Variants in LHX2 observed in about 807,000 individuals in gnomAD.
LHX2 encodes LIM homeobox 2.
A neutral mutation model predicts 33.0 loss-of-function variants in LHX2; 6 were observed. The observed-to-expected ratio is 0.18, with a 90% CI of 0.10 to 0.36. The LOEUF is 0.36. Ranked by LOEUF, LHX2 falls within the 10% of genes least tolerant of loss-of-function variation. LHX2 has a pLI of 1.00. For missense variants in LHX2, 442 were observed against 586.2 expected (o/e 0.75, Z 2.54); for synonymous variants, 292 against 253.1 (o/e 1.15, Z -1.46).
At position 124,032,737 on chromosome 9, in the gene LHX2, T is replaced by G. The variant is rs1272602177; in HGVS notation, c.*30T>G. 1.9e-5 allele frequency: 29 copies of G among 1,521,202 alleles called. No individual in the cohort carries two copies. The highest frequency in any genetic ancestry group is 2.5e-5 in the Non-Finnish European group (28 of 1,133,092). 94.2% of individuals were successfully genotyped at this position (1,521,202 alleles called of 1,614,324 possible). Reference sequence around the variant, plus strand: ...TCGCAACCCCTCACCCCACAATTTCTTTAAAAAAGAAATTATCTTTAGTTG... The same window carrying G: ...TCGCAACCCCTCACCCCACAATTTCGTTAAAAAAGAAATTATCTTTAGTTG... On this transcript the variant is annotated 3_prime_UTR_variant, in exon 5 of 5. Coordinates refer to ENST00000373615, the MANE Select transcript of LHX2 (RefSeq NM_004789.4). This position sits in a 1 kb window ranked among gnomAD's most constrained non-coding sequence, Gnocchi z 4.1.
Position 124,014,295 on chromosome 9 carries a change from C to T in LHX2, c.323+132C>T, listed in dbSNP as rs541766384. 6.4e-6 allele frequency: 4 copies of T among 620,996 alleles called. No homozygotes were observed. In the East Asian group the frequency reaches 1.1e-4, roughly 18 times the overall value. The allele number at this position is 620,996 out of a possible 1,614,324, so 38.5% of individuals were successfully genotyped here. On this transcript the variant is annotated intron_variant, in intron 2 of 4. Transcript: ENST00000373615. The surrounding 1 kb of genome is among the most constrained non-coding windows in gnomAD (Gnocchi z 4.8). ...ACTCAGGACTCCCCCGCTCCCCCCC[C>T]AAGTTCTCCAAGCCACCACAAGTTG...
chr9:124,021,546 C>G (rs537897900), intron 4 of LHX2, among the ~76,000 whole-genome samples: 1 of 152,052 alleles, frequency 6.6e-6, no homozygotes, highest in Non-Finnish European at 1.5e-5. Context: ...GTTTGCGTAT[C>G]GCTCCATCCT....
rs1219043214 is a variant in LHX2 at position 124,013,949 on chromosome 9, C to T, written c.121-12C>T. ...GCAGGCGCTGCTGTCTTCCGCCTCC[C>T]TCCCTTCGCAGACCATGCCGTCCAT... On this transcript the variant is annotated splice_polypyrimidine_tract_variant and intron_variant, in intron 1 of 4. Coordinates refer to ENST00000373615, the MANE Select transcript of LHX2 (RefSeq NM_004789.4). 6.2e-7 allele frequency: 1 copy of T among 1,609,596 alleles called. No individual in the cohort carries two copies. The highest frequency in any genetic ancestry group is 8.5e-7 in the Non-Finnish European group (1 of 1,178,126).
At position 124,012,122 on chromosome 9, in the gene LHX2, C is replaced by G. The variant is rs1588343676; in HGVS notation, c.-227C>G. On this transcript the variant is annotated 5_prime_UTR_variant, in exon 1 of 5. Transcript: ENST00000373615. The surrounding 1 kb of genome is among the most constrained non-coding windows in gnomAD (Gnocchi z 4.3). ...TGACCCTGGCTTTGGCGCCGTCGCC[C>G]AGGCGCCCCGCAATGTAGCTGCCCC... The G allele has an allele frequency of 4.7e-6, 1 of 210,932 alleles. No homozygotes were observed. Among genetic ancestry groups the G allele is most frequent in the African/African-American group, 2.3e-5 (1 of 42,892 alleles). 13.1% of individuals were successfully genotyped at this position (210,932 alleles called of 1,614,324 possible). A position where few individuals can be genotyped will look rare whatever the true frequency, so the allele number is the denominator to read the frequency against.
chr9:124,031,640 A>G (rs1828705322), intron 4 of LHX2: 1 of 152,228 alleles, frequency 6.6e-6, no homozygotes, highest in African/African-American at 2.4e-5. Context: ...TAATTTTAAT[A>G]ATGTATTTTG....
chr9:124,012,178 G>T lies in LHX2; in HGVS notation c.-171G>T, dbSNP rs1859100662. 3 of 479,116 alleles carry T rather than the reference G, an allele frequency of 6.3e-6. No individual in the cohort carries two copies. The highest frequency in any genetic ancestry group is 8.9e-6 in the Non-Finnish European group (3 of 336,814). 29.7% of individuals were successfully genotyped at this position (479,116 alleles called of 1,614,324 possible). A position where few individuals can be genotyped will look rare whatever the true frequency, so the allele number is the denominator to read the frequency against. On this transcript the variant is annotated 5_prime_UTR_variant, in exon 1 of 5. Transcript: ENST00000373615. This position sits in a 1 kb window ranked among gnomAD's most constrained non-coding sequence, Gnocchi z 4.3. ...CTCGGCGGGAGGCGTCCTGCCCCGCGAGCGCCCGGGGCCCGGAGCCCGGCC... is the reference window on the plus strand; with the variant it reads ...CTCGGCGGGAGGCGTCCTGCCCCGCTAGCGCCCGGGGCCCGGAGCCCGGCC...
chr9:124,030,479 T>C (rs745511144), intron 4 of LHX2, among the ~76,000 whole-genome samples: 1 of 152,082 alleles, frequency 6.6e-6, no homozygotes, highest in Non-Finnish European at 1.5e-5. Flanking sequence ...CCTTGGAAGG[T>C]TCAACCCCCC....
chr9:124,018,284 AAAGG>A (rs1859228653), intron 3 of LHX2, among the ~76,000 whole-genome samples: 1 of 149,052 alleles, frequency 6.7e-6, no homozygotes, highest in Admixed American at 6.7e-5. Context: ...AAAAAAAAAA[AAAGG>A]AGAGAGAAAG....
At chr9:124,013,395 G>A (rs1425496909) in intron 1 of LHX2, among the ~76,000 whole-genome samples, 1 of 152,212 alleles carries the variant, frequency 6.6e-6, no homozygotes, top group African/African-American at 2.4e-5. Context: ...CCTCATCCCC[G>A]GACCCAAGAG....
At chr9:124,025,813 G>T (rs969416635) in intron 4 of LHX2, among the ~76,000 whole-genome samples, 1 of 151,744 alleles carries the variant, frequency 6.6e-6, no homozygotes, top group African/African-American at 2.4e-5. Context: ...GTGAAAACCC[G>T]TTCCCTACTA....
In LHX2 at chr9:124,015,880, G is replaced by A. The variant is rs1457828402; in HGVS notation, c.727+355G>A. ...GACGCCAAACAGGTTTTGGGTTGGC[G>A]CGGCTGAGGGCCGGGAACTGGGGCA... On this transcript the variant is annotated intron_variant, in intron 3 of 4. Coordinates refer to ENST00000373615, the MANE Select transcript of LHX2 (RefSeq NM_004789.4). The surrounding 1 kb of genome is among the most constrained non-coding windows in gnomAD (Gnocchi z 7.9). 6.6e-6 allele frequency among the ~76,000 whole-genome samples: 1 copy of A among 152,270 alleles called. No homozygotes were observed. Among genetic ancestry groups the A allele is most frequent in the South Asian group, 2.1e-4 (1 of 4,838 alleles).
chr9:124,020,363 T>C (rs2118762351), intron 3 of LHX2, among the ~76,000 whole-genome samples: 1 of 152,264 alleles, frequency 6.6e-6, no homozygotes, highest in South Asian at 2.1e-4. Flanking sequence ...CTCCACTTGT[T>C]CACGGAGAAA....
At chr9:124,030,627 C>CTTTTTTT (rs35399092) in intron 4 of LHX2, among the ~76,000 whole-genome samples, 5 of 105,602 alleles carry the variant, frequency 4.7e-5, no homozygotes, top group African/African-American at 8.0e-5. Flanking sequence ...TTTTTCTTTT[C>CTTTTTTT]TTTTTTTTTT....
At chr9:124,018,480 T>C (rs1428962163) in intron 3 of LHX2, among the ~76,000 whole-genome samples, 3 of 151,970 alleles carry the variant, frequency 2.0e-5, no homozygotes, top group Non-Finnish European at 2.9e-5. Context: ...GGCCTCGGCC[T>C]CGCTACTTAG....
chr9:124,017,921 G>A (rs1859220955), intron 3 of LHX2, among the ~76,000 whole-genome samples: 2 of 151,876 alleles, frequency 1.3e-5, no homozygotes, highest in Admixed American at 6.6e-5. Flanking sequence ...CTGGGGGTGC[G>A]AAAACGGCGG....
intron 4 of LHX2, among the ~76,000 whole-genome samples, chr9:124,027,341 G>A (rs562200171): frequency 5.4e-4 from 82 of 152,314 alleles, no homozygotes; most frequent in Admixed American, 1.3e-3. Flanking sequence ...TGATTTAGAG[G>A]TTAAGTAGTG....
In LHX2 at chr9:124,012,725, A is replaced by C. The variant is rs1859114633; in HGVS notation, c.120+257A>C. ...AGCGTTTCTTCCGAACTGGAAGCGA[A>C]GTCCCATCCGCGGCCCGGGGCGGCT... On this transcript the variant is annotated intron_variant, in intron 1 of 4. Transcript: ENST00000373615. This position sits in a 1 kb window ranked among gnomAD's most constrained non-coding sequence, Gnocchi z 4.3. 1.3e-5 allele frequency among the ~76,000 whole-genome samples: 2 copies of C among 152,214 alleles called. No individual in the cohort carries two copies. Among genetic ancestry groups the C allele is most frequent in the South Asian group, 4.1e-4 (2 of 4,836 alleles).
intron 4 of LHX2, among the ~76,000 whole-genome samples, chr9:124,028,379 T>C (rs1238449449): frequency 4.6e-5 from 7 of 152,256 alleles, no homozygotes. Flanking sequence ...TCCAGAGAAC[T>C]TGAGGCATGT....
chr9:124,015,543 G>C lies in LHX2; in HGVS notation c.727+18G>C, dbSNP rs780995200. On this transcript the variant is annotated intron_variant, in intron 3 of 4. Transcript: ENST00000373615. The surrounding 1 kb of genome is among the most constrained non-coding windows in gnomAD (Gnocchi z 7.9). ...CAACGCTGGTGAGTGCGCGGCGCAC[G>C]AAGCGCCCCCATAGGGTTGGGGGAA... The C allele has an allele frequency of 6.5e-5, 94 of 1,452,182 alleles. No individual in the cohort carries two copies. The highest frequency in any genetic ancestry group is 7.9e-5 in the Non-Finnish European group (87 of 1,101,108). The allele number at this position is 1,452,182 out of a possible 1,614,324, so 90.0% of individuals were successfully genotyped here.
Sources: gnomAD v4.1 joint callset for allele counts (sites outside exome capture counted in the v4.1 genomes callset) on GRCh38, gnomAD v4.1.1 for gene constraint, Gnocchi (gnomAD v3.1) non-coding constraint, MANE v1.5 for transcripts, NCBI Gene and HGNC (gene_info 2026-07-23, HGNC 2026-07-21) for gene names.